The following ACACA variants were observed in gnomAD, a reference collection of about 807,000 sequenced individuals.
ACACA encodes acetyl-CoA carboxylase 1.
ACACA carries 103 observed loss-of-function variants against 296.1 expected under a neutral mutation model. That is an observed-to-expected ratio of 0.35 (90% confidence interval 0.30 to 0.41). The LOEUF (loss-of-function observed/expected upper bound fraction) is 0.41, where lower values mean the gene tolerates loss of function less well. Ranked by LOEUF, ACACA falls within the 10% of genes least tolerant of loss-of-function variation. The pLI is 1.00. For missense variants in ACACA, 1,554 were observed against 2,989.7 expected (o/e 0.52, Z 11.20); for synonymous variants, 953 against 1,038.6 (o/e 0.92, Z 1.58).
At chr17:37,343,692 A>G (rs2048486005) in intron 1 of ACACA, among the ~76,000 whole-genome samples, 1 of 151,192 alleles carries the variant, frequency 6.6e-6, no homozygotes, top group African/African-American at 2.4e-5. Flanking sequence ...TGAACCTAGA[A>G]GGCAGAGGTT....
Position 37,087,182 on chromosome 17 carries a change from A to AT in ACACA, c.*133_*134insA, listed in dbSNP as rs2072260802. On this transcript the variant is annotated 3_prime_UTR_variant, in exon 56 of 56. Transcript: ENST00000616317. ...CCCAGGATGTCATGCATAACCTGAAACGAGAGGAAGTAAAATGCCATTTGA... is the reference window on the plus strand; with the variant it reads ...CCCAGGATGTCATGCATAACCTGAAATCGAGAGGAAGTAAAATGCCATTTGA... 9 of 1,263,078 alleles carry AT rather than the reference A, an allele frequency of 7.1e-6. No individual in the cohort carries two copies. Among genetic ancestry groups the AT allele is most frequent in the Non-Finnish European group, 1.0e-5 (9 of 882,084 alleles). The allele number at this position is 1,263,078 out of a possible 1,614,324, so 78.2% of individuals were successfully genotyped here. A position where few individuals can be genotyped will look rare whatever the true frequency, so the allele number is the denominator to read the frequency against.
chr17:37,262,517 CCT>C (rs2081562692), intron 11 of ACACA, among the ~76,000 whole-genome samples: 1 of 152,060 alleles, frequency 6.6e-6, no homozygotes, highest in African/African-American at 2.4e-5. Context: ...GGCCATATAG[CCT>C]CTGTCACAAC....
intron 43 of ACACA, among the ~76,000 whole-genome samples, chr17:37,152,392 G>A (rs115949520): frequency 0.025 from 3,836 of 152,242 alleles, 86 homozygotes; most frequent in African/African-American, 0.055. Context: ...TATCCAAACA[G>A]AGCGGTAGTG....
Position 37,362,772 on chromosome 17 carries a change from G to C in ACACA, c.39-22922C>G, listed in dbSNP as rs193135598. 3.3e-5 allele frequency among the ~76,000 whole-genome samples: 5 copies of C among 152,162 alleles called. No homozygotes were observed. In the East Asian group the frequency reaches 7.8e-4, roughly 24 times the overall value. On this transcript the variant is annotated intron_variant, in intron 1 of 55. Transcript: ENST00000616317. Reference sequence around the variant, plus strand: ...GGGTGGATCACGAGGTCAGGATATCGAGACCATCCTGGCTAATGTGGTGAA... The same window carrying C: ...GGGTGGATCACGAGGTCAGGATATCCAGACCATCCTGGCTAATGTGGTGAA...
Position 37,332,842 on chromosome 17 carries a change from G to A in ACACA, c.86-2417C>T, listed in dbSNP as rs62071164. The stretch of plus-strand genomic sequence containing the variant: ...GAAGAATCACTTGAACCCGGGAGGC[G>A]GAGGTTGCAGTGAGCTGAGATCATG... On this transcript the variant is annotated intron_variant, in intron 2 of 55. Coordinates refer to ENST00000616317, the MANE Select transcript of ACACA (RefSeq NM_198834.3). 1.0e-3 allele frequency among the ~76,000 whole-genome samples: 153 copies of A among 151,632 alleles called. 1 individual carries two copies. Among genetic ancestry groups the A allele is most frequent in the African/African-American group, 3.6e-3 (148 of 41,370 alleles).
At chr17:37,315,424 T>A (rs1172210669) in intron 3 of ACACA, among the ~76,000 whole-genome samples, 1 of 152,208 alleles carries the variant, frequency 6.6e-6, no homozygotes, top group Non-Finnish European at 1.5e-5. Context: ...AGCTACCAAC[T>A]GGGAGTCTCA....
At chr17:37,285,328 C>T (rs184792555) in intron 3 of ACACA, among the ~76,000 whole-genome samples, 43 of 152,258 alleles carry the variant, frequency 2.8e-4, no homozygotes, top group Non-Finnish European at 5.7e-4. Context: ...TGACCTTCAC[C>T]TCTGTATCTC....
chr17:37,132,548 G>A lies in ACACA; in HGVS notation c.5680-2330C>T, dbSNP rs545103441. On this transcript the variant is annotated intron_variant, in intron 45 of 55. Coordinates refer to ENST00000616317, the MANE Select transcript of ACACA (RefSeq NM_198834.3). ...TTAATTATTAAAATAAAATTGGAAA[G>A]GGGGAAAAGGAATACAAAAGGAGAC... is the stretch of plus-strand genomic sequence containing the variant. Among the ~76,000 whole-genome samples, 5 of 152,224 alleles carry A rather than the reference G, an allele frequency of 3.3e-5. No homozygotes were observed. In the South Asian group the frequency reaches 1.0e-3, roughly 32 times the overall value.
chr17:37,390,089 T>C (rs1325194105), intron 1 of ACACA, among the ~76,000 whole-genome samples: 1 of 124,460 alleles, frequency 8.0e-6, no homozygotes, highest in Non-Finnish European at 1.6e-5. Flanking sequence ...TCCAGGAGTT[T>C]GAGACCAGCC....
rs753432960 is a variant in ACACA, at chr17:37,221,849, C to G, written c.3565-7G>C. 3 of 1,599,374 alleles carry G rather than the reference C, an allele frequency of 1.9e-6. No individual in the cohort carries two copies. The highest frequency in any genetic ancestry group is 1.7e-6 in the Non-Finnish European group (2 of 1,166,774). ...AAGCCCTTCGAACATACACCTGGTT[C>G]AAAAGAAACCCTCAGTAAATAAATT... On this transcript the variant is annotated splice_region_variant and splice_polypyrimidine_tract_variant and intron_variant, in intron 28 of 55. Transcript: ENST00000616317.
At chr17:37,253,890 C>G (rs2081107442) in intron 14 of ACACA, among the ~76,000 whole-genome samples, 1 of 152,174 alleles carries the variant, frequency 6.6e-6, no homozygotes, top group Non-Finnish European at 1.5e-5. Flanking sequence ...CAGCCTGACA[C>G]TGCATGTGAC....
In ACACA at chr17:37,181,239, T is replaced by C; in HGVS notation, c.4894A>G (p.Thr1632Ala). Residue 1632 changes from threonine (T) to alanine (A), a missense_variant, in exon 40 of 56, where the codon ACA (threonine) becomes GCA (alanine). This residue lies in a region of ACACA where 553 missense variants were observed against 1,043.6 expected (regional missense o/e 0.53). Transcript: ENST00000616317. ...TCTGGGATATCATATATGTATGTTGTCCCTAAGGATTGTGCCTGGAACCTC... is the reference window on the plus strand; with the variant it reads ...TCTGGGATATCATATATGTATGTTGCCCCTAAGGATTGTGCCTGGAACCTC... Reference protein sequence around the residue: ...SKRFQAQSLGTTYIYDIPEMF... With the variant: ...SKRFQAQSLGATYIYDIPEMF... 6.2e-7 allele frequency: 1 copy of C among 1,614,142 alleles called. No individual in the cohort carries two copies.
chr17:37,348,337 A>G (rs570545465), intron 1 of ACACA, among the ~76,000 whole-genome samples: 11 of 152,160 alleles, frequency 7.2e-5, no homozygotes, highest in Non-Finnish European at 1.5e-4. Flanking sequence ...AAAAGGCCCA[A>G]CAAGTGCCTA....
intron 11 of ACACA, among the ~76,000 whole-genome samples, chr17:37,260,463 C>T (rs1017780717): frequency 9.3e-5 from 14 of 150,766 alleles, no homozygotes; most frequent in South Asian, 2.1e-4. Context: ...GCCACCATGT[C>T]AGGCTAATTT....
intron 36 of ACACA, among the ~76,000 whole-genome samples, chr17:37,192,981 C>T (rs1051546201): frequency 5.3e-5 from 8 of 151,940 alleles, no homozygotes; most frequent in African/African-American, 7.3e-5. Flanking sequence ...ATATATAAGC[C>T]GGTAACAGGA....
intron 29 of ACACA, among the ~76,000 whole-genome samples, chr17:37,220,478 A>G (rs2079232922): frequency 6.6e-6 from 1 of 152,220 alleles, no homozygotes; most frequent in South Asian, 2.1e-4. Flanking sequence ...AGGAAAAGAA[A>G]GAAGACTGAG....
chr17:37,384,986 G>T (rs1307110988), intron 1 of ACACA, among the ~76,000 whole-genome samples: 4 of 152,178 alleles, frequency 2.6e-5, no homozygotes, highest in Admixed American at 2.0e-4. Context: ...ATTGGATTAG[G>T]TCAATTCTGG....
chr17:37,149,824 A>G, intron 45 of ACACA, 40 bp downstream of exon 45: 1 of 1,527,096 alleles, frequency 6.5e-7, no homozygotes, highest in Non-Finnish European at 9.1e-7. Flanking sequence ...AATAATCTTC[A>G]ATCAGCTATG....
At position 37,377,908 on chromosome 17, in the gene ACACA, C is replaced by T. The variant is rs1473129470; in HGVS notation, c.38+28354G>A. 3.7e-6 allele frequency: 6 copies of T among 1,613,340 alleles called. No individual in the cohort carries two copies. The Admixed American group carries it at 1.0e-4, about 27-fold the overall frequency. ...CAGAGATAGCAGTTGCCGACTGGAA[C>T]AGCTGCCTGGGATCTTCCCAAAAGA... On this transcript the variant is annotated intron_variant, in intron 1 of 55. Transcript: ENST00000616317.
Sources: gnomAD v4.1 joint callset for allele counts (sites outside exome capture counted in the v4.1 genomes callset) on GRCh38, gnomAD v4.1.1 for gene constraint, gnomAD v4.1.1 regional missense constraint, MANE v1.5 for transcripts, NCBI Gene and HGNC (gene_info 2026-07-23, HGNC 2026-07-21) for gene names.